RMI1: variants seen among roughly 807,000 people sequenced by gnomAD.
RMI1 encodes recQ-mediated genome instability protein 1.
RMI1 carries 36 observed loss-of-function variants against 46.7 expected under a neutral mutation model. That is an observed-to-expected ratio of 0.77 (90% CI 0.59 to 1.02). The LOEUF (loss-of-function observed/expected upper bound fraction) is 1.02, where lower values mean the gene tolerates loss of function less well. RMI1 is among the 50% of genes least tolerant of loss of function. RMI1 has a pLI of 0.00. For synonymous variants in RMI1, 250 were observed against 252.9 expected (o/e 0.99, Z 0.11); for missense variants, 676 against 713.7 (o/e 0.95, Z 0.60).
intron 2 of RMI1, among the ~76,000 whole-genome samples, chr9:84,000,540 C>T (rs538474121): frequency 6.6e-6 from 1 of 151,960 alleles, no homozygotes; most frequent in South Asian, 2.1e-4. Flanking sequence ...GAGCATATTC[C>T]CCATAGATAA....
At chr9:83,989,816 C>G (rs1957542691) in intron 1 of RMI1, among the ~76,000 whole-genome samples, 1 of 152,004 alleles carries the variant, frequency 6.6e-6, no homozygotes, top group Non-Finnish European at 1.5e-5. Context: ...ATAGATCTGC[C>G]ATATGATCCA....
At chr9:83,993,608 AG>A (rs1957605624) in intron 1 of RMI1, among the ~76,000 whole-genome samples, 1 of 152,082 alleles carries the variant, frequency 6.6e-6, no homozygotes, top group East Asian at 1.9e-4. Context: ...AACAGTGCAC[AG>A]GGGTTTCAAT....
At chr9:83,991,047 TC>T (rs954898886) in intron 1 of RMI1, among the ~76,000 whole-genome samples, 17 of 152,160 alleles carry the variant, frequency 1.1e-4, no homozygotes, top group Admixed American at 1.3e-4. Context: ...CCTCAGGTGA[TC>T]CACCCGCCTC....
Position 84,001,772 on chromosome 9 carries a change from C to T in RMI1, c.786C>T (p.Asp262=). Residue 262 remains aspartate, a synonymous_variant, in exon 3 of 3, where the codon GAC becomes GAT. Transcript: ENST00000445877. ...ATGATGAGCTTACAGCAAATAATGA[C>T]ACTTCCTCAGAACGATGTTTCACCA... ...DENDELTANN[D]TSSERCFTTG... is the part of the protein sequence containing the mutation. 6.2e-7 allele frequency: 1 copy of T among 1,614,038 alleles called. No individual in the cohort carries two copies. Among genetic ancestry groups the T allele is most frequent in the Non-Finnish European group, 8.5e-7 (1 of 1,179,958 alleles).
At chr9:83,993,231 G>A (rs2133116121) in intron 1 of RMI1, among the ~76,000 whole-genome samples, 1 of 152,278 alleles carries the variant, frequency 6.6e-6, no homozygotes, top group Non-Finnish European at 1.5e-5. Flanking sequence ...GGTACCTCAT[G>A]TAAGTGGAAT....
At chr9:83,991,833 A>G (rs1383377470) in intron 1 of RMI1, among the ~76,000 whole-genome samples, 1 of 152,008 alleles carries the variant, frequency 6.6e-6, no homozygotes, top group Non-Finnish European at 1.5e-5. Flanking sequence ...CTTTCTTCCT[A>G]TTTTCCAGTA....
At chr9:83,999,575 T>A (rs1017423888) in intron 1 of RMI1, 134 bp from the exon 2 acceptor site, 1 of 152,218 alleles carries the variant, frequency 6.6e-6, no homozygotes, top group Admixed American at 6.5e-5. Flanking sequence ...TTAGAGAGAA[T>A]GTGTAACTTT....
chr9:83,990,061 T>G (rs1957546122), intron 1 of RMI1, among the ~76,000 whole-genome samples: 1 of 152,234 alleles, frequency 6.6e-6, no homozygotes, highest in South Asian at 2.1e-4. Flanking sequence ...GAGAACATTA[T>G]GTTCAGTGAA....
At chr9:83,987,936 A>C (rs144899450) in intron 1 of RMI1, among the ~76,000 whole-genome samples, 2 of 152,152 alleles carry the variant, frequency 1.3e-5, no homozygotes, top group African/African-American at 4.8e-5. Flanking sequence ...CTCAGGCTGG[A>C]GTGCAGTAGT....
At chr9:83,991,012 G>T (rs10780638) in intron 1 of RMI1, among the ~76,000 whole-genome samples, 46,800 of 151,768 alleles carry the variant, frequency 0.31, 7,931 homozygotes, top group East Asian at 0.48. Flanking sequence ...TCTCCACGTT[G>T]GTCAGGCTGG....
At chr9:83,984,553 T>A (rs1265939916) in intron 1 of RMI1, among the ~76,000 whole-genome samples, 1 of 151,492 alleles carries the variant, frequency 6.6e-6, no homozygotes, top group African/African-American at 2.4e-5. Context: ...ATTACCAGTT[T>A]TGAACATCTT....
intron 1 of RMI1, among the ~76,000 whole-genome samples, chr9:83,997,067 C>G (rs1184121089): frequency 1.6e-5 from 2 of 123,252 alleles, no homozygotes; most frequent in Non-Finnish European, 1.7e-5. Flanking sequence ...TGGCAGGGCT[C>G]TGGGTGGTTT....
rs767370149 is a variant in RMI1, at chr9:84,001,785, C to G, written c.799C>G (p.Arg267Gly). Residue 267 changes from arginine (R) to glycine (G), a missense_variant, in exon 3 of 3, where the codon CGA becomes GGA. Coordinates refer to ENST00000445877, the MANE Select transcript of RMI1 (RefSeq NM_001358291.2). ...LTANNDTSSERCFTTGSSSNT... is the reference protein window; with the variant it reads ...LTANNDTSSEGCFTTGSSSNT... ...AGCAAATAATGACACTTCCTCAGAA[C>G]GATGTTTCACCACAGGTAGTTCCTC... The G allele has an allele frequency of 4.3e-6, 7 of 1,613,864 alleles. No individual in the cohort carries two copies. The highest frequency in any genetic ancestry group is 1.3e-5 in the African/African-American group (1 of 74,908).
rs1564087389 is a variant in RMI1 at position 84,002,865 on chromosome 9, T to G, written c.*1T>G. 6.8e-7 allele frequency: 1 copy of G among 1,470,626 alleles called. No homozygotes were observed. 91.1% of individuals were successfully genotyped at this position (1,470,626 alleles called of 1,614,324 possible). On this transcript the variant is annotated 3_prime_UTR_variant, in exon 3 of 3. Transcript: ENST00000445877. Reference sequence around the variant, plus strand: ...TCTAAAGAAGCGGTTAAATAAATAATTAAACTAAAATAGTATTAGGAACAA... The same window carrying G: ...TCTAAAGAAGCGGTTAAATAAATAAGTAAACTAAAATAGTATTAGGAACAA...
At chr9:83,987,937 G>T (rs1041613003) in intron 1 of RMI1, among the ~76,000 whole-genome samples, 1 of 152,086 alleles carries the variant, frequency 6.6e-6, no homozygotes, top group African/African-American at 2.4e-5. Context: ...TCAGGCTGGA[G>T]TGCAGTAGTG....
chr9:83,985,437 A>G (rs1957475343), intron 1 of RMI1, among the ~76,000 whole-genome samples: 1 of 152,188 alleles, frequency 6.6e-6, no homozygotes, highest in African/African-American at 2.4e-5. Context: ...ATGCTTGTAC[A>G]GTGTTAAGTA....
Position 84,003,010 on chromosome 9 carries a change from G to T in RMI1, c.*146G>T, listed in dbSNP as rs1193257104. The T allele has an allele frequency of 1.3e-4, 64 of 488,476 alleles. No individual in the cohort carries two copies. The highest frequency in any genetic ancestry group is 4.0e-4 in the South Asian group (9 of 22,506). 30.3% of individuals were successfully genotyped at this position (488,476 alleles called of 1,614,324 possible). A position where few individuals can be genotyped will look rare whatever the true frequency, so the allele number is the denominator to read the frequency against. On this transcript the variant is annotated 3_prime_UTR_variant, in exon 3 of 3. Coordinates refer to ENST00000445877, the MANE Select transcript of RMI1 (RefSeq NM_001358291.2). ...GTTTAATTTTAAAGTGTTTAATCAT[G>T]TTTGTTATATGTGGAGCTTTTGAAA...
chr9:83,984,119 T>C (rs1957456879), intron 1 of RMI1, among the ~76,000 whole-genome samples: 1 of 152,166 alleles, frequency 6.6e-6, no homozygotes, highest in Non-Finnish European at 1.5e-5. Flanking sequence ...GGGGTATATG[T>C]GATAATTTAA....
At chr9:83,984,528 TA>T (rs1302916457) in intron 1 of RMI1, among the ~76,000 whole-genome samples, 1 of 151,986 alleles carries the variant, frequency 6.6e-6, no homozygotes, top group East Asian at 1.9e-4. Context: ...CGCCTTGGCC[TA>T]CCAAAGTGCT....
Sources: gnomAD v4.1 joint callset for allele counts (sites outside exome capture counted in the v4.1 genomes callset) on GRCh38, gnomAD v4.1.1 for gene constraint, MANE v1.5 for transcripts, NCBI Gene and HGNC (gene_info 2026-07-23, HGNC 2026-07-21) for gene names.